The following LIMS1 variants were observed in gnomAD, a reference collection of about 807,000 sequenced individuals.
LIMS1 encodes the protein LIM and senescent cell antigen-like-containing domain protein 1.
In LIMS1, 18 loss-of-function variants were observed where a neutral mutation model predicts 44.1. The ratio of observed to expected loss-of-function variants is 0.41; its 90% CI spans 0.28 to 0.61. LIMS1 has a LOEUF of 0.61. Ranked by LOEUF, LIMS1 falls within the 20% of genes least tolerant of loss-of-function variation. The pLI, the probability that LIMS1 is intolerant of heterozygous loss-of-function variation, is 0.32. For missense variants in LIMS1, 201 were observed against 422.0 expected (o/e 0.48, Z 4.59); for synonymous variants, 93 against 149.1 (o/e 0.62, Z 2.74).
intron 1 of LIMS1, among the ~76,000 whole-genome samples, chr2:108,652,329 A>G (rs1160023389): frequency 1.3e-5 from 2 of 152,284 alleles, no homozygotes; most frequent in African/African-American, 2.4e-5. Flanking sequence ...GAAACAAACT[A>G]TGCATCCATG....
chr2:108,639,596 G>T (rs895233928), intron 1 of LIMS1, among the ~76,000 whole-genome samples: 2 of 152,242 alleles, frequency 1.3e-5, no homozygotes, highest in East Asian at 3.9e-4. Flanking sequence ...GGGATTACAG[G>T]CACCTGCCAC....
intron 1 of LIMS1, among the ~76,000 whole-genome samples, chr2:108,563,376 G>A (rs1285464215): frequency 6.6e-6 from 1 of 152,180 alleles, no homozygotes; most frequent in African/African-American, 2.4e-5. Context: ...CATTCTTCTT[G>A]CCATTAAGAA....
At chr2:108,605,320 G>A (rs1687216351) in intron 1 of LIMS1, among the ~76,000 whole-genome samples, 1 of 152,150 alleles carries the variant, frequency 6.6e-6, no homozygotes, top group Non-Finnish European at 1.5e-5. Flanking sequence ...GTTGTTATAA[G>A]CTCGGTTCTT....
chr2:108,609,824 C>T (rs934783424), intron 1 of LIMS1, among the ~76,000 whole-genome samples: 2 of 152,020 alleles, frequency 1.3e-5, no homozygotes, highest in Non-Finnish European at 2.9e-5. Context: ...TTCATCCCCA[C>T]GGTTGAAGTT....
At chr2:108,536,089 G>A (rs1469539882) in intron 1 of LIMS1, among the ~76,000 whole-genome samples, 1 of 152,204 alleles carries the variant, frequency 6.6e-6, no homozygotes, top group Non-Finnish European at 1.5e-5. Context: ...TAACGGATAT[G>A]TAGTGTAATA....
At chr2:108,660,979 G>A (rs1691322788) in intron 2 of LIMS1, among the ~76,000 whole-genome samples, 1 of 139,018 alleles carries the variant, frequency 7.2e-6, no homozygotes, top group Non-Finnish European at 1.5e-5. Context: ...AGATTTTTAT[G>A]TTTCCCTGTT....
At chr2:108,577,630 A>G (rs1437686254) in intron 1 of LIMS1, among the ~76,000 whole-genome samples, 3 of 152,246 alleles carry the variant, frequency 2.0e-5, no homozygotes, top group Non-Finnish European at 4.4e-5. Context: ...AATTTTTACA[A>G]TAACTAAATG....
intron 9 of LIMS1, chr2:108,681,487 A>G (rs1558846235): frequency 1.0e-6 from 1 of 979,318 alleles, no homozygotes; most frequent in Non-Finnish European, 1.2e-6. Context: ...CCTGGAAAAC[A>G]TTTTAAAGGA....
intron 1 of LIMS1, among the ~76,000 whole-genome samples, chr2:108,573,247 A>G (rs1420588470): frequency 1.3e-4 from 19 of 151,594 alleles, no homozygotes; most frequent in Admixed American, 1.2e-3. Context: ...TTTGTGATTC[A>G]TGGGCCACAC....
chr2:108,535,393 T>G (rs1317791210), intron 1 of LIMS1, among the ~76,000 whole-genome samples: 3 of 152,252 alleles, frequency 2.0e-5, no homozygotes, highest in Admixed American at 2.0e-4. Flanking sequence ...AGCGGACTTT[T>G]CACACAGTTT....
intron 1 of LIMS1, among the ~76,000 whole-genome samples, chr2:108,595,961 G>A (rs1259581286): frequency 1.3e-5 from 2 of 152,008 alleles, no homozygotes; most frequent in Non-Finnish European, 2.9e-5. Context: ...GTTATCTGTG[G>A]AGGGTGGAAG....
intron 1 of LIMS1, among the ~76,000 whole-genome samples, chr2:108,543,296 T>C (rs1184063204): frequency 6.6e-6 from 1 of 152,204 alleles, no homozygotes; most frequent in Non-Finnish European, 1.5e-5. Flanking sequence ...CTGGGCATGG[T>C]GGCACGTGCC....
chr2:108,648,004 A>G (rs968453241), intron 1 of LIMS1, among the ~76,000 whole-genome samples: 2 of 152,236 alleles, frequency 1.3e-5, no homozygotes, highest in Non-Finnish European at 2.9e-5. Context: ...GTATTCAGTT[A>G]GGAAAAGAGC....
intron 1 of LIMS1, among the ~76,000 whole-genome samples, chr2:108,616,112 C>G (rs1244668262): frequency 6.7e-6 from 1 of 148,358 alleles, no homozygotes; most frequent in Non-Finnish European, 1.5e-5. Flanking sequence ...TGATAATGGT[C>G]TAAATTGAAG....
chr2:108,569,763 G>GTTTTTTTTTTTTTTTTTTT (rs1558791346), intron 1 of LIMS1, among the ~76,000 whole-genome samples: 1 of 68,352 alleles, frequency 1.5e-5, no homozygotes, highest in African/African-American at 4.2e-5. Context: ...GCCATATCTG[G>GTTTTTTTTTTTTTTTTTTT]CTTTTTTTTT....
chr2:108,534,470 A>T, exon 1 of LIMS1: 1 of 979,594 alleles, frequency 1.0e-6, no homozygotes, highest in South Asian at 4.9e-5. Context: ...CGGGCCCGCC[A>T]GTAGCCGGCC....
chr2:108,682,550 CTG>C (rs1394584257), intron 9 of LIMS1, among the ~76,000 whole-genome samples: 1 of 152,018 alleles, frequency 6.6e-6, no homozygotes, highest in African/African-American at 2.4e-5. Context: ...CTAAGGTAGT[CTG>C]TCTGAAAACA....
intron 1 of LIMS1, among the ~76,000 whole-genome samples, chr2:108,536,969 G>C (rs540276380): frequency 5.9e-5 from 9 of 152,120 alleles, no homozygotes; most frequent in Non-Finnish European, 1.2e-4. Flanking sequence ...TACAGAAATC[G>C]TATGTTTAGT....
rs1372774619 is a variant in LIMS1, at chr2:108,659,769, G to T, written c.192+5G>T. 1 of 1,612,134 alleles carries T rather than the reference G, an allele frequency of 6.2e-7. No individual in the cohort carries two copies. The highest frequency in any genetic ancestry group is 1.3e-5 in the African/African-American group (1 of 74,894). On this transcript the variant is annotated splice_donor_5th_base_variant and intron_variant, in intron 2 of 9. Transcript: ENST00000544547. Reference sequence around the variant, plus strand: ...CCAGAAGGACTCTTCTATGAGGTGAGTTGCACTGGACAAAAGCAGGGAGGT... The same window carrying T: ...CCAGAAGGACTCTTCTATGAGGTGATTTGCACTGGACAAAAGCAGGGAGGT...
Sources: allele counts gnomAD v4.1 joint callset (sites outside exome capture counted in the v4.1 genomes callset), GRCh38; gene constraint gnomAD v4.1.1; transcripts MANE v1.5; gene names NCBI Gene and HGNC (gene_info 2026-07-23, HGNC 2026-07-21).